SPOCK1: variants seen among roughly 807,000 people sequenced by gnomAD.
SPOCK1 encodes SPARC (osteonectin), cwcv and kazal like domains proteoglycan 1.
Under a neutral mutation model 55.3 loss-of-function variants are expected in SPOCK1, and 23 were observed. That is an observed-to-expected ratio of 0.42 (90% confidence interval 0.30 to 0.59). The LOEUF is 0.59. SPOCK1 is among the 20% of genes least tolerant of loss of function. SPOCK1 has a pLI of 0.22. For missense variants in SPOCK1, 499 were observed against 552.5 expected (o/e 0.90, Z 0.97); for synonymous variants, 226 against 221.0 (o/e 1.02, Z -0.20).
intron 3 of SPOCK1, among the ~76,000 whole-genome samples, chr5:137,232,031 T>C (rs1480981438): frequency 6.6e-6 from 1 of 152,260 alleles, no homozygotes; most frequent in African/African-American, 2.4e-5. Flanking sequence ...TCATATCTTT[T>C]ACTCATTTCA....
intron 5 of SPOCK1, among the ~76,000 whole-genome samples, chr5:137,070,776 A>G (rs1752596404): frequency 6.6e-6 from 1 of 151,824 alleles, no homozygotes; most frequent in African/African-American, 2.4e-5. Flanking sequence ...GGCCCTGTGG[A>G]CTGTAATTCC....
intron 3 of SPOCK1, among the ~76,000 whole-genome samples, chr5:137,149,902 G>C (rs1228743204): frequency 1.3e-5 from 2 of 152,162 alleles, no homozygotes; most frequent in African/African-American, 4.8e-5. Flanking sequence ...AACTCTTTAG[G>C]ATTCAGTTGC....
chr5:137,023,545 G>A (rs1001853103), intron 6 of SPOCK1, among the ~76,000 whole-genome samples: 2 of 152,106 alleles, frequency 1.3e-5, no homozygotes, highest in African/African-American at 2.4e-5. Flanking sequence ...AACATGCTCC[G>A]AGAAAAGTGA....
chr5:137,122,968 A>C (rs1257228832), intron 4 of SPOCK1, among the ~76,000 whole-genome samples: 1 of 152,212 alleles, frequency 6.6e-6, no homozygotes, highest in East Asian at 1.9e-4. Context: ...AGAAGGAGCA[A>C]GTCAGTAAAA....
intron 3 of SPOCK1, among the ~76,000 whole-genome samples, chr5:137,244,354 C>G (rs1486251502): frequency 6.6e-6 from 1 of 152,156 alleles, no homozygotes; most frequent in East Asian, 1.9e-4. Context: ...TTTAAGGTAA[C>G]TGTGAGCCTG....
At chr5:137,309,262 G>A (rs560250318) in intron 2 of SPOCK1, among the ~76,000 whole-genome samples, 83 of 152,292 alleles carry the variant, frequency 5.5e-4, no homozygotes, top group African/African-American at 1.9e-3. Flanking sequence ...GGCACAAGGA[G>A]AGGGGCAGCA....
intron 6 of SPOCK1, among the ~76,000 whole-genome samples, chr5:137,062,299 C>T (rs1752406945): frequency 6.6e-6 from 1 of 151,962 alleles, no homozygotes; most frequent in Non-Finnish European, 1.5e-5. Context: ...GTCCTCACCT[C>T]GGGGAAGGGG....
chr5:137,328,035 A>G (rs2127150071), intron 2 of SPOCK1, among the ~76,000 whole-genome samples: 1 of 152,360 alleles, frequency 6.6e-6, no homozygotes, highest in Admixed American at 6.5e-5. Flanking sequence ...TGGAAACAGC[A>G]GCAGCTCATC....
chr5:137,021,513 G>A (rs1025056463), intron 6 of SPOCK1, among the ~76,000 whole-genome samples: 10 of 152,028 alleles, frequency 6.6e-5, no homozygotes, highest in African/African-American at 2.2e-4. Context: ...TATTGTTACC[G>A]TTTATCCCTT....
intron 3 of SPOCK1, among the ~76,000 whole-genome samples, chr5:137,168,134 A>T (rs933988339): frequency 2.6e-5 from 4 of 152,228 alleles, no homozygotes; most frequent in Middle Eastern, 3.4e-3. Flanking sequence ...AGTCTCTTCA[A>T]TACATGGCAC....
At chr5:137,198,581 T>C (rs1250871671) in intron 3 of SPOCK1, among the ~76,000 whole-genome samples, 1 of 152,254 alleles carries the variant, frequency 6.6e-6, no homozygotes, top group Non-Finnish European at 1.5e-5. Flanking sequence ...GCTAATTGTT[T>C]ATCTACAGTC....
intron 4 of SPOCK1, among the ~76,000 whole-genome samples, chr5:137,131,989 A>AAAATAT (rs1391176339): frequency 4.7e-4 from 17 of 36,044 alleles, no homozygotes; most frequent in African/African-American, 2.2e-3. Context: ...AAAAAAAAAA[A>AAAATAT]ATATATATAT....
Position 137,267,012 on chromosome 5 carries a change from T to C in SPOCK1, c.230A>G (p.Gln77Arg), listed in dbSNP as rs138279226. The C allele has an allele frequency of 1.9e-6, 3 of 1,612,474 alleles. No homozygotes were observed. Among genetic ancestry groups the C allele is most frequent in the Non-Finnish European group, 2.5e-6 (3 of 1,178,590 alleles). ...GCAAGAAATATTGCATCCATTACCT[T>C]GGTCAAAGGGCTTGTTGGGATTCCA... ...RNWNPNKPFD[Q>R]ALDPSKDPCL... Residue 77 changes from glutamine (Q) to arginine (R), a missense_variant and splice_region_variant, in exon 3 of 11, where the codon CAA (glutamine) becomes CGA (arginine). Gln to Arg is a conservative substitution (Grantham distance 43). Transcript: ENST00000394945.
chr5:137,328,196 A>G (rs1021703393), intron 2 of SPOCK1, among the ~76,000 whole-genome samples: 12 of 152,222 alleles, frequency 7.9e-5, no homozygotes, highest in African/African-American at 2.9e-4. Flanking sequence ...GAATCTGTAC[A>G]TCTCACCCAG....
chr5:137,359,285 T>G (rs1178613187), intron 2 of SPOCK1, among the ~76,000 whole-genome samples: 1 of 152,232 alleles, frequency 6.6e-6, no homozygotes, highest in Non-Finnish European at 1.5e-5. Context: ...CCTCTCTGGC[T>G]GTTCGTCACT....
chr5:137,303,693 G>A (rs1323256332), intron 2 of SPOCK1, among the ~76,000 whole-genome samples: 1 of 152,166 alleles, frequency 6.6e-6, no homozygotes, highest in African/African-American at 2.4e-5. Flanking sequence ...AAGGCTTCAG[G>A]AGGAGGGGAG....
chr5:137,219,646 T>A (rs1245868532), intron 3 of SPOCK1, among the ~76,000 whole-genome samples: 6 of 152,146 alleles, frequency 3.9e-5, no homozygotes, highest in Admixed American at 3.9e-4. Context: ...AACACACAGA[T>A]GTGTGAAGAA....
At chr5:137,041,193 C>T (rs1042674922) in intron 6 of SPOCK1, among the ~76,000 whole-genome samples, 13 of 151,850 alleles carry the variant, frequency 8.6e-5, no homozygotes, top group African/African-American at 3.1e-4. Context: ...TGAGATATAG[C>T]CAACTGATTT....
intron 2 of SPOCK1, among the ~76,000 whole-genome samples, chr5:137,397,473 G>A (rs1751877982): frequency 6.6e-6 from 1 of 152,194 alleles, no homozygotes; most frequent in Non-Finnish European, 1.5e-5. Context: ...CAGAGATCAA[G>A]TCTGTCCTTC....
Sources: allele counts gnomAD v4.1 joint callset (sites outside exome capture counted in the v4.1 genomes callset), GRCh38; gene constraint gnomAD v4.1.1; transcripts MANE v1.5; gene names NCBI Gene and HGNC (gene_info 2026-07-23, HGNC 2026-07-21).